The following CELF5 variants were observed in gnomAD, a reference collection of about 807,000 sequenced individuals.
CELF5 encodes CUGBP Elav-like family member 5.
A neutral mutation model predicts 54.9 loss-of-function variants in CELF5; 6 were observed. That is an observed-to-expected ratio of 0.11 (90% CI 0.06 to 0.22). The LOEUF (loss-of-function observed/expected upper bound fraction) is 0.22, where lower values mean the gene tolerates loss of function less well. Among genes scored for constraint, CELF5 ranks in the 10% least tolerant of loss-of-function variants. The pLI is 1.00. For missense variants in CELF5, 401 were observed against 678.6 expected (o/e 0.59, Z 4.54); for synonymous variants, 271 against 290.9 (o/e 0.93, Z 0.70).
At chr19:3,273,951 T>C (rs936196305) in intron 3 of CELF5, 28 bp downstream of exon 3, 1 of 1,608,610 alleles carries the variant, frequency 6.2e-7, no homozygotes, top group Non-Finnish European at 8.5e-7. Context: ...GCTGCCAGGC[T>C]GGGGGTTGGC....
rs192638782 is a variant in CELF5, at chr19:3,278,256, G to A, written c.603+146G>A. On this transcript the variant is annotated intron_variant, in intron 5 of 12. Transcript: ENST00000292672. The surrounding 1 kb of genome is among the most constrained non-coding windows in gnomAD (Gnocchi z 4.5). ...AGGGGGCACAGGTGGAGAAAGAGGC[G>A]CAGTCCCTGGCTGTGGTCCCTGGAG... 3.8e-4 allele frequency: 246 copies of A among 644,360 alleles called. 1 individual carries two copies. The highest frequency in any genetic ancestry group is 1.2e-3 in the African/African-American group (67 of 55,530). The allele number at this position is 644,360 out of a possible 1,614,324, so 39.9% of individuals were successfully genotyped here. A position where few individuals can be genotyped will look rare whatever the true frequency, so the allele number is the denominator to read the frequency against.
chr19:3,289,741 CAG>C (rs1187672018), intron 10 of CELF5, among the ~76,000 whole-genome samples: 1 of 139,444 alleles, frequency 7.2e-6, no homozygotes, highest in African/African-American at 2.7e-5. Context: ...GGCTGAACAC[CAG>C]AGTTTTACAA....
At chr19:3,253,606 C>G (rs2079680047) in intron 2 of CELF5, among the ~76,000 whole-genome samples, 2 of 152,246 alleles carry the variant, frequency 1.3e-5, no homozygotes, top group South Asian at 4.1e-4. Flanking sequence ...ATTCTAGCAC[C>G]AGAAGCCCAG....
rs141804544 is a variant in CELF5 at position 3,252,546 on chromosome 19, C to G, written c.342+1479C>G. On this transcript the variant is annotated intron_variant, in intron 2 of 12. Transcript: ENST00000292672. ...CCCTTCCCTCCGGAATTCTCAGGGA[C>G]CTTTCAGCCTCCAGGGACATCAGGG... Among the ~76,000 whole-genome samples the G allele has an allele frequency of 4.9e-3, 752 of 152,268 alleles. 3 individuals are homozygous for G. Among genetic ancestry groups the G allele is most frequent in the African/African-American group, 0.017 (699 of 41,554 alleles).
chr19:3,282,437 C>T lies in CELF5; in HGVS notation c.978C>T (p.Pro326=), dbSNP rs948454356. The change falls in exon 8 of 13, where the codon CCC becomes CCT. Residue 326 remains proline (P), a synonymous_variant. Transcript: ENST00000292672. This position sits in a 1 kb window ranked among gnomAD's most constrained non-coding sequence, Gnocchi z 5.2. ...PITNGFAGVV[P]FPGGHPALET... Reference sequence around the variant, plus strand: ...CCAATGGCTTTGCAGGTGTCGTGCCCTTTCCAGGTGGGCACCCTGCCCTGG... The same window carrying T: ...CCAATGGCTTTGCAGGTGTCGTGCCTTTTCCAGGTGGGCACCCTGCCCTGG... 1.2e-6 allele frequency: 2 copies of T among 1,613,708 alleles called. No homozygotes were observed. The highest frequency in any genetic ancestry group is 1.1e-5 in the South Asian group (1 of 91,088).
rs2080151793 is a variant in CELF5, at chr19:3,281,466, C to G, written c.750+121C>G. On this transcript the variant is annotated intron_variant, in intron 6 of 12. Transcript: ENST00000292672. The surrounding 1 kb of genome is among the most constrained non-coding windows in gnomAD (Gnocchi z 6.5). ...GACTCAGGGTCCTCTCCTGGCGTGGCTGAACCCCAACTCCAAATTGAGACC... is the reference window on the plus strand; with the variant it reads ...GACTCAGGGTCCTCTCCTGGCGTGGGTGAACCCCAACTCCAAATTGAGACC... The G allele has an allele frequency of 8.7e-7, 1 of 1,146,498 alleles. No individual in the cohort carries two copies. The highest frequency in any genetic ancestry group is 1.5e-5 in the South Asian group (1 of 67,160). 71.0% of individuals were successfully genotyped at this position (1,146,498 alleles called of 1,614,324 possible).
At chr19:3,249,554 T>A (rs555491313) in intron 1 of CELF5, among the ~76,000 whole-genome samples, 1 of 142,718 alleles carries the variant, frequency 7.0e-6, no homozygotes, top group South Asian at 2.3e-4. Context: ...TCTGGGCCAC[T>A]CTATGGGCTG....
At chr19:3,226,734 A>C (rs932319527) in intron 1 of CELF5, among the ~76,000 whole-genome samples, 1 of 149,714 alleles carries the variant, frequency 6.7e-6, no homozygotes, top group African/African-American at 2.4e-5. Flanking sequence ...GTGGGGGTGC[A>C]GGGACTGGAG....
intron 1 of CELF5, among the ~76,000 whole-genome samples, chr19:3,248,301 G>A (rs1568337246): frequency 6.6e-6 from 1 of 152,040 alleles, no homozygotes; most frequent in Non-Finnish European, 1.5e-5. Flanking sequence ...GATGACAGGC[G>A]AGAGTCACCT....
At chr19:3,258,333 G>A (rs958428465) in intron 2 of CELF5, among the ~76,000 whole-genome samples, 19 of 150,562 alleles carry the variant, frequency 1.3e-4, no homozygotes, top group Non-Finnish European at 2.5e-4. Context: ...TGTTGCCCAG[G>A]TTGGTCTCGA....
rs2079916996 is a variant in CELF5 at position 3,268,732 on chromosome 19, G to A, written c.343-5140G>A. 6.6e-6 allele frequency among the ~76,000 whole-genome samples: 1 copy of A among 152,174 alleles called. No homozygotes were observed. Among genetic ancestry groups the A allele is most frequent in the Non-Finnish European group, 1.5e-5 (1 of 68,026 alleles). ...CCCACCGGAGCTACCCCAAGTGAGG[G>A]GCAGTGTGTGTGTTTAGTGGGGAGG... On this transcript the variant is annotated intron_variant, in intron 2 of 12. Coordinates refer to ENST00000292672, the MANE Select transcript of CELF5 (RefSeq NM_021938.4). The surrounding 1 kb of genome is among the most constrained non-coding windows in gnomAD (Gnocchi z 4.4).
At chr19:3,239,050 G>T (rs1218711681) in intron 1 of CELF5, among the ~76,000 whole-genome samples, 4 of 151,990 alleles carry the variant, frequency 2.6e-5, no homozygotes, top group African/African-American at 7.3e-5. Context: ...TCCAAATCAG[G>T]TCACATTTCA....
intron 10 of CELF5, among the ~76,000 whole-genome samples, chr19:3,288,449 G>C (rs961914408): frequency 2.6e-5 from 4 of 152,098 alleles, no homozygotes; most frequent in Non-Finnish European, 4.4e-5. Flanking sequence ...TTGAACCTGG[G>C]AAGCAGAGGT....
intron 1 of CELF5, among the ~76,000 whole-genome samples, chr19:3,247,112 C>T (rs1211936654): frequency 1.3e-5 from 2 of 152,060 alleles, no homozygotes; most frequent in Non-Finnish European, 1.5e-5. Flanking sequence ...CTTCTGGTGG[C>T]TTCATGGTGG....
chr19:3,293,597 G>T (rs1465304419), intron 12 of CELF5, 111 bp downstream of exon 12: 1 of 884,924 alleles, frequency 1.1e-6, no homozygotes, highest in Non-Finnish European at 1.7e-6. Context: ...GATGCTTCAA[G>T]AGGCTACAAG....
intron 4 of CELF5, among the ~76,000 whole-genome samples, chr19:3,277,332 G>T (rs774484591): frequency 1.4e-4 from 22 of 152,150 alleles, no homozygotes; most frequent in Non-Finnish European, 2.5e-4. Flanking sequence ...AATTAGCTGG[G>T]CGTGGTGGCA....
intron 11 of CELF5, among the ~76,000 whole-genome samples, chr19:3,292,348 A>T (rs1450751346): frequency 6.8e-6 from 1 of 147,106 alleles, no homozygotes; most frequent in Non-Finnish European, 1.5e-5. Flanking sequence ...CATCAGTGCG[A>T]TCTCGGCTCA....
Position 3,286,027 on chromosome 19 carries a change from T to C in CELF5, c.1186+2T>C. 1 of 1,571,980 alleles carries C rather than the reference T, an allele frequency of 6.4e-7. No individual in the cohort carries two copies. The highest frequency in any genetic ancestry group is 8.6e-7 in the Non-Finnish European group (1 of 1,168,392). ...TCCTGCAGCAGCAGCAGCGAGAAGGTGAGGCGGCCGCAACCTCCCCTGGGC... is the reference window on the plus strand; with the variant it reads ...TCCTGCAGCAGCAGCAGCGAGAAGGCGAGGCGGCCGCAACCTCCCCTGGGC... On this transcript the variant is annotated splice_donor_variant, in intron 10 of 12. Coordinates refer to ENST00000292672, the MANE Select transcript of CELF5 (RefSeq NM_021938.4). LOFTEE classifies it high-confidence loss of function.
At chr19:3,272,918 C>G (rs114741627) in intron 2 of CELF5, among the ~76,000 whole-genome samples, 1 of 152,156 alleles carries the variant, frequency 6.6e-6, no homozygotes, top group Admixed American at 6.5e-5. Context: ...CAAAATAGCT[C>G]ATACCTAGGA....
Sources: allele counts gnomAD v4.1 joint callset (sites outside exome capture counted in the v4.1 genomes callset), GRCh38; gene constraint gnomAD v4.1.1; non-coding constraint Gnocchi (gnomAD v3.1); transcripts MANE v1.5; gene names NCBI Gene and HGNC (gene_info 2026-07-23, HGNC 2026-07-21).